Variants in ITGA1 observed in about 807,000 individuals in gnomAD.
ITGA1 encodes integrin alpha-1.
ITGA1 carries 85 observed loss-of-function variants against 145.9 expected under a neutral mutation model. The ratio of observed to expected loss-of-function variants is 0.58; its 90% CI spans 0.49 to 0.70. The LOEUF is 0.70. ITGA1 is among the 30% of genes least tolerant of loss of function. The pLI, the probability that ITGA1 is intolerant of heterozygous loss-of-function variation, is 0.00. For synonymous variants in ITGA1, 520 were observed against 495.3 expected (o/e 1.05, Z -0.66); for missense variants, 1,351 against 1,418.7 (o/e 0.95, Z 0.77).
Position 52,808,137 on chromosome 5 carries a change from A to G in ITGA1, c.61+19723A>G, listed in dbSNP as rs113340165. On this transcript the variant is annotated intron_variant, in intron 1 of 28. Coordinates refer to ENST00000282588, the MANE Select transcript of ITGA1 (RefSeq NM_181501.2). ...CTGGGACTTGAGGATGTTACTGAGG[A>G]CAATACCAGTACCTGGTATTCACAC... Among the ~76,000 whole-genome samples, 325 of 152,358 alleles carry G rather than the reference A, an allele frequency of 2.1e-3. 3 individuals are homozygous for G. Among genetic ancestry groups the G allele is most frequent in the African/African-American group, 7.2e-3 (301 of 41,594 alleles).
chr5:52,817,251 A>G (rs1206276608), intron 1 of ITGA1, among the ~76,000 whole-genome samples: 1 of 152,210 alleles, frequency 6.6e-6, no homozygotes, highest in Non-Finnish European at 1.5e-5. Context: ...TAGAGAAGGA[A>G]GTGTCCCAGG....
intron 1 of ITGA1, among the ~76,000 whole-genome samples, chr5:52,820,719 G>T (rs1032489106): frequency 1.3e-5 from 2 of 152,046 alleles, no homozygotes; most frequent in African/African-American, 4.8e-5. Context: ...CCTAACTGCC[G>T]CAGAAAAACT....
At chr5:52,862,124 A>G (rs1472183572) in intron 3 of ITGA1, among the ~76,000 whole-genome samples, 1 of 150,410 alleles carries the variant, frequency 6.6e-6, no homozygotes, top group Non-Finnish European at 1.5e-5. Flanking sequence ...AGGCTGAGGC[A>G]GGAGACCTGC....
intron 1 of ITGA1, among the ~76,000 whole-genome samples, chr5:52,815,325 G>A (rs6883810): frequency 0.29 from 44,013 of 152,122 alleles, 7,633 homozygotes; most frequent in South Asian, 0.43. Flanking sequence ...AGCCTGGGAT[G>A]GGGGAAAACA....
At chr5:52,863,326 T>G (rs1036639259) in intron 3 of ITGA1, among the ~76,000 whole-genome samples, 1 of 152,176 alleles carries the variant, frequency 6.6e-6, no homozygotes, top group Non-Finnish European at 1.5e-5. Flanking sequence ...AACTGTTGTT[T>G]TGTGGCTCTT....
chr5:52,857,182 T>A (rs1749527807), intron 2 of ITGA1, among the ~76,000 whole-genome samples: 1 of 152,176 alleles, frequency 6.6e-6, no homozygotes. Context: ...AAAGTCAAAG[T>A]CGTGTTGCAA....
chr5:52,930,744 AG>A (rs1579726401), intron 21 of ITGA1, among the ~76,000 whole-genome samples: 1 of 152,200 alleles, frequency 6.6e-6, no homozygotes, highest in East Asian at 1.9e-4. Context: ...TTGATTAAAA[AG>A]GTTATCAATT....
intron 6 of ITGA1, among the ~76,000 whole-genome samples, chr5:52,880,990 G>C (rs997370015): frequency 3.3e-5 from 5 of 152,146 alleles, no homozygotes; most frequent in African/African-American, 1.2e-4. Context: ...ATCAAATCTG[G>C]GGGCACTTTC....
intron 1 of ITGA1, among the ~76,000 whole-genome samples, chr5:52,824,156 C>A (rs771801347): frequency 6.6e-6 from 1 of 151,890 alleles, no homozygotes; most frequent in Non-Finnish European, 1.5e-5. Context: ...AAGTCACTTA[C>A]CAAAGGAATT....
chr5:52,912,936 C>T (rs566292533), intron 14 of ITGA1, among the ~76,000 whole-genome samples: 2 of 151,728 alleles, frequency 1.3e-5, no homozygotes, highest in African/African-American at 4.8e-5. Context: ...TTAGTAGAGA[C>T]GGGGTTTCAC....
intron 20 of ITGA1, among the ~76,000 whole-genome samples, chr5:52,929,175 T>C (rs146837184): frequency 6.6e-6 from 1 of 152,276 alleles, no homozygotes; most frequent in East Asian, 1.9e-4. Context: ...CACTGGTAGA[T>C]CTAGTGTCTG....
intron 9 of ITGA1, among the ~76,000 whole-genome samples, chr5:52,895,065 T>C (rs1050581898): frequency 2.0e-5 from 3 of 152,136 alleles, no homozygotes; most frequent in Non-Finnish European, 4.4e-5. Flanking sequence ...TGCACTGTGA[T>C]GGTTTCTCAT....
At chr5:52,851,998 T>G (rs1236260671) in intron 2 of ITGA1, among the ~76,000 whole-genome samples, 1 of 152,190 alleles carries the variant, frequency 6.6e-6, no homozygotes, top group Non-Finnish European at 1.5e-5. Flanking sequence ...CAGTGCAGAA[T>G]AGACTATAAA....
rs141703189 is a variant in ITGA1 at position 52,850,746 on chromosome 5, A to G, written c.182+1261A>G. Among the ~76,000 whole-genome samples, 61 of 152,328 alleles carry G rather than the reference A, an allele frequency of 4.0e-4. No individual in the cohort carries two copies. In the East Asian group the frequency reaches 8.9e-3, roughly 22 times the overall value. On this transcript the variant is annotated intron_variant, in intron 2 of 28. Coordinates refer to ENST00000282588, the MANE Select transcript of ITGA1 (RefSeq NM_181501.2). ...TCACTCTTTTATTCTCCTTACAAAT[A>G]TCTCAGATGACAAACCCAATGCTAC...
intron 12 of ITGA1, among the ~76,000 whole-genome samples, chr5:52,907,916 T>C (rs964168770): frequency 1.3e-5 from 2 of 152,204 alleles, no homozygotes; most frequent in African/African-American, 4.8e-5. Flanking sequence ...AAAAGTGCAT[T>C]CAAAAGTCAG....
intron 6 of ITGA1, 106 bp from the exon 7 acceptor site, chr5:52,881,767 G>A: frequency 9.9e-7 from 1 of 1,007,866 alleles, no homozygotes; most frequent in Non-Finnish European, 1.4e-6. Context: ...TGATAGGTTT[G>A]CAAACTCATC....
At chr5:52,846,376 C>T (rs1038838377) in intron 1 of ITGA1, among the ~76,000 whole-genome samples, 1 of 152,050 alleles carries the variant, frequency 6.6e-6, no homozygotes, top group Non-Finnish European at 1.5e-5. Context: ...GCACACCAGC[C>T]TGCACAACAG....
chr5:52,942,823 G>A (rs1751075289), intron 26 of ITGA1, among the ~76,000 whole-genome samples: 1 of 151,888 alleles, frequency 6.6e-6, no homozygotes, highest in Admixed American at 6.6e-5. Context: ...TTACAGGCGT[G>A]AGCCACCGCA....
rs761784412 is a variant in ITGA1, at chr5:52,927,598, C to A, written c.2628C>A (p.Asp876Glu). Reference protein sequence around the residue: ...VFSGIEAIQKDSCESNHNITC... With the variant: ...VFSGIEAIQKESCESNHNITC... ...TCTCTTCCTAGGCTATCCAAAAAGA[C>A]AGTTGTGAATCTAATCATAATATCA... Residue 876 changes from aspartate to glutamate, a missense_variant, in exon 20 of 29, where the codon GAC becomes GAA. Coordinates refer to ENST00000282588, the MANE Select transcript of ITGA1 (RefSeq NM_181501.2). 4 of 1,609,102 alleles carry A rather than the reference C, an allele frequency of 2.5e-6. No individual in the cohort carries two copies. In the African/African-American group the frequency reaches 5.3e-5, roughly 22 times the overall value.
Sources: gnomAD v4.1 joint callset for allele counts (sites outside exome capture counted in the v4.1 genomes callset) on GRCh38, gnomAD v4.1.1 for gene constraint, MANE v1.5 for transcripts, NCBI Gene and HGNC (gene_info 2026-07-23, HGNC 2026-07-21) for gene names.